The following SMPDL3A variants were observed in gnomAD, a reference collection of about 807,000 sequenced individuals.
SMPDL3A encodes cyclic GMP-AMP phosphodiesterase SMPDL3A.
SMPDL3A carries 39 observed loss-of-function variants against 38.5 expected under a neutral mutation model. The observed-to-expected ratio is 1.01, with a 90% CI of 0.78 to 1.32. SMPDL3A has a LOEUF of 1.32. Ranked by LOEUF, SMPDL3A falls within the 40% of genes most tolerant of loss-of-function variation. SMPDL3A has a pLI of 0.00. For synonymous variants in SMPDL3A, 180 were observed against 194.3 expected (o/e 0.93, Z 0.61); for missense variants, 502 against 536.2 (o/e 0.94, Z 0.63).
At chr6:122,797,608 A>G (rs1189121176) in intron 3 of SMPDL3A, among the ~76,000 whole-genome samples, 3 of 152,120 alleles carry the variant, frequency 2.0e-5, no homozygotes, top group Non-Finnish European at 2.9e-5. Flanking sequence ...ACAGCATCCT[A>G]TTGTAGTAGT....
chr6:122,797,351 C>CTTTTTTTTTTTTTTTTTTTTTTTTTTTTT (rs1781282306), intron 3 of SMPDL3A: 1 of 164,604 alleles, frequency 6.1e-6, no homozygotes, highest in Admixed American at 6.3e-5. Flanking sequence ...TTCCAGAATT[C>CTTTTTTTTTTTTTTTTTTTTTTTTTTTTT]TTATTAGACC....
At chr6:122,790,163 C>G (rs1340480808) in intron 1 of SMPDL3A, among the ~76,000 whole-genome samples, 3 of 152,152 alleles carry the variant, frequency 2.0e-5, no homozygotes, top group Admixed American at 6.5e-5. Flanking sequence ...TGCCCTGGAC[C>G]GGTGGCAGCA....
chr6:122,797,067 G>A, intron 3 of SMPDL3A, 99 bp downstream of exon 3: 1 of 935,034 alleles, frequency 1.1e-6, no homozygotes, highest in Non-Finnish European at 1.7e-6. Flanking sequence ...ATGGGAATGG[G>A]TCTTATAGAG....
In SMPDL3A at chr6:122,795,809, A is replaced by G. The variant is rs768125415; in HGVS notation, c.245A>G (p.Asp82Gly). ...NPGPFGDVLC[D>G]SPYQLILSAF... ...GGCCCTTTTGGAGATGTTCTGTGTGATTCTCCATATCAACTTATTTTGTCA... is the reference window on the plus strand; with the variant it reads ...GGCCCTTTTGGAGATGTTCTGTGTGGTTCTCCATATCAACTTATTTTGTCA... The change falls in exon 2 of 8, where the codon GAT becomes GGT. Residue 82 changes from aspartate to glycine, a missense_variant. Transcript: ENST00000368440. The G allele has an allele frequency of 4.3e-6, 7 of 1,614,140 alleles. No individual in the cohort carries two copies. The highest frequency in any genetic ancestry group is 5.9e-6 in the Non-Finnish European group (7 of 1,179,976).
At position 122,809,652 on chromosome 6, in the gene SMPDL3A, A is replaced by C; in HGVS notation, c.*244A>C. Reference sequence around the variant, plus strand: ...TTGGATGTAAATATTCAGTTTATATAATTATATCTAATTTGTACCCTTGTT... The same window carrying C: ...TTGGATGTAAATATTCAGTTTATATCATTATATCTAATTTGTACCCTTGTT... On this transcript the variant is annotated 3_prime_UTR_variant, in exon 8 of 8. Transcript: ENST00000368440. 1 of 309,074 alleles carries C rather than the reference A, an allele frequency of 3.2e-6. No homozygotes were observed. The highest frequency in any genetic ancestry group is 5.9e-6 in the Non-Finnish European group (1 of 168,792). 19.1% of individuals were successfully genotyped at this position (309,074 alleles called of 1,614,324 possible).
At chr6:122,802,926 C>T (rs961828575) in intron 4 of SMPDL3A, among the ~76,000 whole-genome samples, 2 of 152,110 alleles carry the variant, frequency 1.3e-5, no homozygotes, top group African/African-American at 4.8e-5. Context: ...AAAATAACTT[C>T]TGACAAATTC....
intron 1 of SMPDL3A, among the ~76,000 whole-genome samples, chr6:122,794,282 T>C (rs908410344): frequency 6.6e-6 from 1 of 152,198 alleles, no homozygotes; most frequent in African/African-American, 2.4e-5. Flanking sequence ...TGATTATTTG[T>C]TCTAGTATTA....
At position 122,809,545 on chromosome 6, in the gene SMPDL3A, T is replaced by G. The variant is rs1781780794; in HGVS notation, c.*137T>G. On this transcript the variant is annotated 3_prime_UTR_variant, in exon 8 of 8. Transcript: ENST00000368440. Reference sequence around the variant, plus strand: ...TTTGCTTTCTTTTTTTTTTTCTTTTTGATGCCTTAATGTAGATATCTTTAT... The same window carrying G: ...TTTGCTTTCTTTTTTTTTTTCTTTTGGATGCCTTAATGTAGATATCTTTAT... 1.6e-6 allele frequency: 1 copy of G among 628,610 alleles called. No homozygotes were observed. The highest frequency in any genetic ancestry group is 2.8e-6 in the Non-Finnish European group (1 of 360,902). 38.9% of individuals were successfully genotyped at this position (628,610 alleles called of 1,614,324 possible). A position where few individuals can be genotyped will look rare whatever the true frequency, so the allele number is the denominator to read the frequency against.
At chr6:122,791,495 A>G (rs886096418) in intron 1 of SMPDL3A, among the ~76,000 whole-genome samples, 2 of 152,178 alleles carry the variant, frequency 1.3e-5, no homozygotes, top group Non-Finnish European at 2.9e-5. Context: ...CCATTCATAT[A>G]CTGCTGAGTG....
intron 1 of SMPDL3A, 85 bp downstream of exon 1, chr6:122,789,543 G>C: frequency 8.2e-7 from 1 of 1,213,864 alleles, no homozygotes; most frequent in Non-Finnish European, 1.2e-6. Context: ...AAGTGCGTGG[G>C]GGCAGCTGCC....
chr6:122,808,497 G>T (rs575321631), intron 7 of SMPDL3A, among the ~76,000 whole-genome samples: 1 of 151,990 alleles, frequency 6.6e-6, no homozygotes, highest in African/African-American at 2.4e-5. Flanking sequence ...TTTTTATTTT[G>T]TTCACCTCTC....
intron 3 of SMPDL3A, 96 bp from the exon 4 acceptor site, chr6:122,801,214 G>T (rs2115169764): frequency 1.3e-6 from 1 of 797,604 alleles, no homozygotes; most frequent in East Asian, 2.5e-5. Flanking sequence ...TGCATCTCTA[G>T]ATGCCTAACG....
Position 122,803,767 on chromosome 6 carries a change from T to C in SMPDL3A, c.672T>C (p.Thr224=). Residue 224 remains threonine (T), a synonymous_variant, in exon 5 of 8, where the codon ACT becomes ACC. Transcript: ENST00000368440. The part of the protein sequence containing the change: ...YGPNIMTLNK[T]DPANQFEWLE... The stretch of plus-strand genomic sequence containing the variant: ...CAAATATAATGACACTGAACAAGAC[T>C]GACCCAGCCAACCAGTTTGAATGGC... 6 of 1,614,024 alleles carry C rather than the reference T, an allele frequency of 3.7e-6. No individual in the cohort carries two copies. Among genetic ancestry groups the C allele is most frequent in the Non-Finnish European group, 4.2e-6 (5 of 1,179,988 alleles).
chr6:122,803,536 G>T, intron 4 of SMPDL3A, 128 bp from the exon 5 acceptor site: 1 of 674,026 alleles, frequency 1.5e-6, no homozygotes. Context: ...GCCTATCTAT[G>T]TGCAAACTAA....
intron 1 of SMPDL3A, among the ~76,000 whole-genome samples, chr6:122,792,454 A>T (rs957453850): frequency 6.6e-6 from 1 of 152,192 alleles, no homozygotes; most frequent in Non-Finnish European, 1.5e-5. Context: ...AGTCATGCAT[A>T]TTCTAGATGC....
At position 122,796,816 on chromosome 6, in the gene SMPDL3A, T is replaced by G; in HGVS notation, c.327-8T>G. The G allele has an allele frequency of 6.2e-7, 1 of 1,608,070 alleles. No homozygotes were observed. The highest frequency in any genetic ancestry group is 8.5e-7 in the Non-Finnish European group (1 of 1,177,814). ...ATTTTGTTCTTTACAATCTCTCTCT[T>G]TTTTCAGGGATAGCCCACCTCATGT... On this transcript the variant is annotated splice_region_variant and splice_polypyrimidine_tract_variant and intron_variant, in intron 2 of 7. Coordinates refer to ENST00000368440, the MANE Select transcript of SMPDL3A (RefSeq NM_006714.5).
At chr6:122,800,634 T>C (rs1050571985) in intron 3 of SMPDL3A, among the ~76,000 whole-genome samples, 9 of 152,358 alleles carry the variant, frequency 5.9e-5, no homozygotes, top group Non-Finnish European at 8.8e-5. Context: ...ATCTGGGCCA[T>C]TGCATTTGCT....
intron 4 of SMPDL3A, among the ~76,000 whole-genome samples, chr6:122,803,373 C>T (rs1781487623): frequency 6.6e-6 from 1 of 152,202 alleles, no homozygotes; most frequent in African/African-American, 2.4e-5. Context: ...AACTCAATCT[C>T]ATTGCTTACT....
intron 1 of SMPDL3A, chr6:122,789,716 C>T (rs1781004517): frequency 1.7e-6 from 1 of 593,028 alleles, no homozygotes; most frequent in Non-Finnish European, 2.1e-6. Flanking sequence ...GCTCCAAGGG[C>T]GCGTCGGCCG....
Sources: allele counts gnomAD v4.1 joint callset (sites outside exome capture counted in the v4.1 genomes callset), GRCh38; gene constraint gnomAD v4.1.1; transcripts MANE v1.5; gene names NCBI Gene and HGNC (gene_info 2026-07-23, HGNC 2026-07-21).